SLC6A11: variants seen among roughly 807,000 people sequenced by gnomAD.
The protein encoded by SLC6A11 is solute carrier family 6 member 11.
A neutral mutation model predicts 74.8 loss-of-function variants in SLC6A11; 25 were observed. The ratio of observed to expected loss-of-function variants is 0.33; its 90% confidence interval spans 0.24 to 0.47. The LOEUF is 0.47. SLC6A11 is among the 20% of genes least tolerant of loss of function. The pLI is 1.00. For missense variants in SLC6A11, 574 were observed against 837.0 expected (o/e 0.69, Z 3.88); for synonymous variants, 330 against 330.2 (o/e 1.00, Z 0.01).
intron 8 of SLC6A11, among the ~76,000 whole-genome samples, chr3:10,924,534 G>A (rs927855477): frequency 2.0e-5 from 3 of 152,060 alleles, no homozygotes; most frequent in East Asian, 1.9e-4. Context: ...TTCACAAGAC[G>A]CCATTAAGAA....
rs774527999 is a variant in SLC6A11, at chr3:10,918,498, C to A, written c.1120+45C>A. The A allele has an allele frequency of 1.2e-5, 19 of 1,575,132 alleles. No homozygotes were observed. The highest frequency in any genetic ancestry group is 1.6e-5 in the Non-Finnish European group (19 of 1,164,524). ...GGATGGAAAAGGCGGCAAGGGAGGC[C>A]AGGAGTGATGGTCATCATGGAAATG... On this transcript the variant is annotated intron_variant, in intron 8 of 13. Transcript: ENST00000254488. The surrounding 1 kb of genome is among the most constrained non-coding windows in gnomAD (Gnocchi z 4.5).
chr3:10,842,015 G>A (rs1694444774), intron 4 of SLC6A11, among the ~76,000 whole-genome samples: 1 of 152,166 alleles, frequency 6.6e-6, no homozygotes. Context: ...ACCAGCTGAT[G>A]GGCATTGGGG....
At chr3:10,895,460 G>C (rs1695158972) in intron 6 of SLC6A11, among the ~76,000 whole-genome samples, 1 of 152,100 alleles carries the variant, frequency 6.6e-6, no homozygotes. Flanking sequence ...GACATGGATG[G>C]AGCTGGAAGC....
rs1448268647 is a variant in SLC6A11 at position 10,816,228 on chromosome 3, G to A, written c.-38G>A. ...AAGCCAGCTCGCCCGGGGCGGCGGC[G>A]CAGAGCCGGGCCGGCGCACGAGGCA... is the stretch of plus-strand genomic sequence containing the variant. On this transcript the variant is annotated 5_prime_UTR_variant, in exon 1 of 14. Transcript: ENST00000254488. The surrounding 1 kb of genome is among the most constrained non-coding windows in gnomAD (Gnocchi z 4.2). The A allele has an allele frequency of 2.4e-6, 3 of 1,269,058 alleles. No individual in the cohort carries two copies. The highest frequency in any genetic ancestry group is 3.1e-5 in the African/African-American group (2 of 63,528). 78.6% of individuals were successfully genotyped at this position (1,269,058 alleles called of 1,614,324 possible).
At chr3:10,878,498 A>T (rs1489170161) in intron 6 of SLC6A11, among the ~76,000 whole-genome samples, 8 of 144,724 alleles carry the variant, frequency 5.5e-5, no homozygotes, top group Non-Finnish European at 1.2e-4. Flanking sequence ...TCCGCTTCCC[A>T]GGTTCAAGCA....
rs1175043370 is a variant in SLC6A11 at position 10,823,473 on chromosome 3, G to C, written c.623+81G>C. On this transcript the variant is annotated intron_variant, in intron 4 of 13. Coordinates refer to ENST00000254488, the MANE Select transcript of SLC6A11 (RefSeq NM_014229.3). ...CTCAGTTGGTCTTGCCCCTATTCCT[G>C]GAAAAAGCCTGATCCTTCTTGCAGC... 4.3e-6 allele frequency: 4 copies of C among 927,956 alleles called. No homozygotes were observed. In the South Asian group the frequency reaches 5.5e-5, roughly 13 times the overall value. The allele number at this position is 927,956 out of a possible 1,614,324, so 57.5% of individuals were successfully genotyped here.
At chr3:10,895,768 A>G (rs1165987615) in intron 6 of SLC6A11, among the ~76,000 whole-genome samples, 2 of 151,994 alleles carry the variant, frequency 1.3e-5, no homozygotes, top group African/African-American at 4.8e-5. Context: ...TCACATGGGC[A>G]GCTTGCGTGG....
At chr3:10,890,058 CCT>C (rs1553673382) in intron 6 of SLC6A11, among the ~76,000 whole-genome samples, 1 of 151,992 alleles carries the variant, frequency 6.6e-6, no homozygotes, top group Non-Finnish European at 1.5e-5. Context: ...CAACTCAGTT[CCT>C]CTGTTTCATT....
In SLC6A11 at chr3:10,832,703, T is replaced by A. The variant is rs1265969817; in HGVS notation, c.623+9311T>A. On this transcript the variant is annotated intron_variant, in intron 4 of 13. Transcript: ENST00000254488. ...GTACTCTTAGTACCACTCCTATTAC[T>A]CTCCTTTTTGTCCTGTCTGTCAAAG... Among the ~76,000 whole-genome samples the A allele has an allele frequency of 2.0e-5, 3 of 152,170 alleles. No homozygotes were observed. In the East Asian group the frequency reaches 5.8e-4, roughly 29 times the overall value.
rs762369074 is a variant in SLC6A11 at position 10,934,120 on chromosome 3, C to T, written c.1529C>T (p.Ser510Leu). 1.2e-5 allele frequency: 20 copies of T among 1,613,910 alleles called. No homozygotes were observed. In the East Asian group the frequency reaches 2.2e-4, roughly 18 times the overall value. ...GACATGATTGGCTACCGGCCACCGT[C>T]GCTCATTAAGTGGTGCTGGATGATC... ...IEDMIGYRPP[S>L]LIKWCWMIMT... is the part of the protein sequence containing the mutation. The change falls in exon 12 of 14, where the codon TCG becomes TTG. Residue 510 changes from serine to leucine, a missense_variant. Physicochemically the swap from Ser to Leu is moderately radical, Grantham distance 145. Around this residue, in one of 4 missense-constraint regions of SLC6A11, gnomAD observed 257 missense variants for 341.5 expected, o/e 0.75. Coordinates refer to ENST00000254488, the MANE Select transcript of SLC6A11 (RefSeq NM_014229.3).
chr3:10,912,233 C>A, intron 7 of SLC6A11, 40 bp downstream of exon 7: 1 of 1,322,764 alleles, frequency 7.6e-7, no homozygotes, highest in South Asian at 1.2e-5. Flanking sequence ...TCCACCAAAC[C>A]CTGAGAGCCC....
intron 8 of SLC6A11, among the ~76,000 whole-genome samples, chr3:10,922,029 T>TG (rs1205233610): frequency 6.6e-6 from 1 of 152,204 alleles, no homozygotes; most frequent in Non-Finnish European, 1.5e-5. Context: ...CAAGCATAGT[T>TG]GGAGATTTTA....
Position 10,938,502 on chromosome 3 carries a change from G to T in SLC6A11, c.*100G>T, listed in dbSNP as rs1695785529. Reference sequence around the variant, plus strand: ...TTCACCTAATGGTAGGGGCTTGCTTGTTTTGCACAGGATTAATTAACAAGT... The same window carrying T: ...TTCACCTAATGGTAGGGGCTTGCTTTTTTTGCACAGGATTAATTAACAAGT... On this transcript the variant is annotated 3_prime_UTR_variant, in exon 14 of 14. Transcript: ENST00000254488. The T allele has an allele frequency of 7.8e-7, 1 of 1,277,172 alleles. No individual in the cohort carries two copies. The allele number at this position is 1,277,172 out of a possible 1,614,324, so 79.1% of individuals were successfully genotyped here. A position where few individuals can be genotyped will look rare whatever the true frequency, so the allele number is the denominator to read the frequency against.
intron 5 of SLC6A11, among the ~76,000 whole-genome samples, chr3:10,860,230 A>G (rs998435782): frequency 1.3e-5 from 2 of 152,356 alleles, no homozygotes; most frequent in Middle Eastern, 3.4e-3. Context: ...TTAATTTAAA[A>G]TATTTTATCT....
chr3:10,920,572 G>A (rs73812339), intron 8 of SLC6A11, among the ~76,000 whole-genome samples: 2,970 of 152,252 alleles, frequency 0.02, 93 homozygotes, highest in African/African-American at 0.068. Flanking sequence ...TAAGATAGTT[G>A]TTTTTTCATA....
At chr3:10,836,275 A>G (rs1400032150) in intron 4 of SLC6A11, among the ~76,000 whole-genome samples, 2 of 152,346 alleles carry the variant, frequency 1.3e-5, no homozygotes, top group East Asian at 3.9e-4. Flanking sequence ...GTTGATGGAC[A>G]TTTGGGTTGT....
intron 6 of SLC6A11, among the ~76,000 whole-genome samples, chr3:10,906,804 A>T (rs3821760): frequency 0.36 from 54,323 of 151,808 alleles, 11,152 homozygotes; most frequent in Non-Finnish European, 0.47. Context: ...ATAGAGAACA[A>T]TAATTTCAGA....
At chr3:10,907,238 CTA>C (rs1036793733) in intron 6 of SLC6A11, among the ~76,000 whole-genome samples, 1 of 152,012 alleles carries the variant, frequency 6.6e-6, no homozygotes, top group Non-Finnish European at 1.5e-5. Context: ...AAAAGAAAAA[CTA>C]TTTCAGAAAA....
At chr3:10,860,612 T>C (rs370261183) in intron 5 of SLC6A11, among the ~76,000 whole-genome samples, 1 of 152,336 alleles carries the variant, frequency 6.6e-6, no homozygotes, top group East Asian at 1.9e-4. Flanking sequence ...AGATGTGTGC[T>C]GGGCTGGGCA....
Sources: allele counts gnomAD v4.1 joint callset (sites outside exome capture counted in the v4.1 genomes callset), GRCh38; gene constraint gnomAD v4.1.1; regional missense constraint gnomAD v4.1.1; non-coding constraint Gnocchi (gnomAD v3.1); transcripts MANE v1.5; gene names NCBI Gene and HGNC (gene_info 2026-07-23, HGNC 2026-07-21).